Variants in GRIP2 observed in about 807,000 individuals in gnomAD.
GRIP2 encodes glutamate receptor-interacting protein 2.
In GRIP2, 58 loss-of-function variants were observed where a neutral mutation model predicts 108.3. The ratio of observed to expected loss-of-function variants is 0.54; its 90% confidence interval spans 0.43 to 0.67. The LOEUF is 0.67. Ranked by LOEUF, GRIP2 falls within the 30% of genes least tolerant of loss-of-function variation. The probability of loss-of-function intolerance (pLI) is 0.00; values close to 1 mark genes in which losing one functional copy is unlikely to be tolerated. For synonymous variants in GRIP2, 586 were observed against 598.2 expected (o/e 0.98, Z 0.30); for missense variants, 1,278 against 1,430.6 (o/e 0.89, Z 1.72).
At chr3:14,501,209 T>C (rs915181182) in intron 21 of GRIP2, among the ~76,000 whole-genome samples, 2 of 151,994 alleles carry the variant, frequency 1.3e-5, no homozygotes, top group African/African-American at 4.8e-5. Flanking sequence ...GGATGGGAAG[T>C]GGGAGGAATT....
the GRIP2 span, among the ~76,000 whole-genome samples, chr3:14,589,702 T>C: frequency 1.3e-5 from 2 of 149,980 alleles, no homozygotes. Flanking sequence ...CAAACTAACC[T>C]CCACGATAGC....
At chr3:14,503,485 C>T in intron 21 of GRIP2, 81 bp downstream of exon 21, 1 of 939,578 alleles carries the variant, frequency 1.1e-6, no homozygotes, top group Non-Finnish European at 1.7e-6. Context: ...ATGCCATCAG[C>T]ATGCCTTCCT....
rs1437822187 is a variant in GRIP2 at position 14,522,960 on chromosome 3, A to T, written c.566+40T>A. 6.4e-7 allele frequency: 1 copy of T among 1,557,126 alleles called. No individual in the cohort carries two copies. The highest frequency in any genetic ancestry group is 8.9e-7 in the Non-Finnish European group (1 of 1,128,192). On this transcript the variant is annotated intron_variant, in intron 6 of 23. Transcript: ENST00000621039. This position sits in a 1 kb window ranked among gnomAD's most constrained non-coding sequence, Gnocchi z 4.3. ...ACCTTCTTCGCAGGGGAGTTGGGGC[A>T]GGTCAGTGCAGTGTGTGGATTTCTT...
At chr3:14,545,055 G>A (rs772657635), upstream of GRIP2, among the ~76,000 whole-genome samples, 5 of 152,194 alleles carry the variant, frequency 3.3e-5, no homozygotes, top group Admixed American at 6.5e-5. Context: ...AGGAAAACAC[G>A]CAAGGCCACA....
At chr3:14,591,513 G>T in the GRIP2 span, among the ~76,000 whole-genome samples, 7 of 152,084 alleles carry the variant, frequency 4.6e-5, no homozygotes, top group African/African-American at 1.7e-4. Flanking sequence ...CTTCTGGGAA[G>T]ATAAATGAAA....
upstream of GRIP2, among the ~76,000 whole-genome samples, chr3:14,546,418 G>A (rs997264470): frequency 7.2e-5 from 11 of 152,130 alleles, no homozygotes; most frequent in African/African-American, 9.7e-5. Flanking sequence ...AGGATGGCAC[G>A]GGGGTGAGGG....
intron 11 of GRIP2, among the ~76,000 whole-genome samples, chr3:14,516,171 C>A (rs1694243027): frequency 6.6e-6 from 1 of 152,130 alleles, no homozygotes; most frequent in South Asian, 2.1e-4. Flanking sequence ...ACTTTGGTGG[C>A]CAGGAAAGGT....
Position 14,513,668 on chromosome 3 carries a change from C to T in GRIP2, c.1636G>A (p.Ala546Thr), listed in dbSNP as rs1694163747. The change falls in exon 13 of 24, where the codon GCG (alanine) becomes ACG (threonine). Residue 546 changes from alanine to threonine, a missense_variant. Coordinates refer to ENST00000621039, the MANE Select transcript of GRIP2 (RefSeq NM_001080423.4). ...KVVLEVEFDV[A>T]ESVIPSSGTF... is the part of the protein sequence containing the mutation. ...GAAGCTTGGGCCACTCACTCACCCG[C>T]CACATCGAACTCCACCTCCAGCACG... 1 of 1,608,862 alleles carries T rather than the reference C, an allele frequency of 6.2e-7. No individual in the cohort carries two copies. Among genetic ancestry groups the T allele is most frequent in the Non-Finnish European group, 8.5e-7 (1 of 1,177,834 alleles).
chr3:14,513,624 G>C (rs747209398), intron 13 of GRIP2, 41 bp downstream of exon 13: 1 of 1,574,844 alleles, frequency 6.3e-7, no homozygotes, highest in South Asian at 1.2e-5. Context: ...AGGGGTGCAG[G>C]GCCCTGAAAT....
At chr3:14,499,677 G>A (rs547899489) in intron 21 of GRIP2, among the ~76,000 whole-genome samples, 4 of 152,102 alleles carry the variant, frequency 2.6e-5, no homozygotes, top group African/African-American at 7.2e-5. Flanking sequence ...TGAGCCAAGC[G>A]AGCCAAGCCA....
upstream of GRIP2, among the ~76,000 whole-genome samples, chr3:14,546,672 G>A (rs1695062621): frequency 6.6e-6 from 1 of 152,204 alleles, no homozygotes; most frequent in African/African-American, 2.4e-5. Flanking sequence ...GAGGCACAGG[G>A]CGTGGAGGGC....
Position 14,535,384 on chromosome 3 carries a change from G to C in GRIP2, c.40+4885C>G, listed in dbSNP as rs190523278. 7.9e-4 allele frequency among the ~76,000 whole-genome samples: 121 copies of C among 152,320 alleles called. 1 individual carries two copies. The highest frequency in any genetic ancestry group is 3.4e-3 in the Middle Eastern group (1 of 294). Reference sequence around the variant, plus strand: ...GGTACTGGTGCCCACCTCATGGGTTGCTGGGAGGAACTGTGGGGAAGTGTG... The same window carrying C: ...GGTACTGGTGCCCACCTCATGGGTTCCTGGGAGGAACTGTGGGGAAGTGTG... On this transcript the variant is annotated intron_variant, in intron 1 of 23. Coordinates refer to ENST00000621039, the MANE Select transcript of GRIP2 (RefSeq NM_001080423.4).
intron 1 of GRIP2, among the ~76,000 whole-genome samples, chr3:14,537,641 AG>A (rs1329245871): frequency 2.0e-5 from 3 of 152,250 alleles, no homozygotes; most frequent in African/African-American, 2.4e-5. Flanking sequence ...ACTCAGGCGA[AG>A]GATCCCCCAT....
In GRIP2 at chr3:14,513,745, G is replaced by A. The variant is rs1255104002; in HGVS notation, c.1559C>T (p.Thr520Ile). The A allele has an allele frequency of 7.4e-6, 12 of 1,611,260 alleles. No individual in the cohort carries two copies. The highest frequency in any genetic ancestry group is 1.0e-5 in the Non-Finnish European group (12 of 1,178,914). ...CAGGAGCTGGTTGGCTTCCTCCATAGTCCCGTCCTCGGTGGCAATGCCATT... is the reference window on the plus strand; with the variant it reads ...CAGGAGCTGGTTGGCTTCCTCCATAATCCCGTCCTCGGTGGCAATGCCATT... ...SINGIATEDG[T>I]MEEANQLLRD... Residue 520 changes from threonine (T) to isoleucine (I), a missense_variant, in exon 13 of 24, where the codon ACT becomes ATT. Thr to Ile is a moderately conservative substitution (Grantham distance 89). Coordinates refer to ENST00000621039, the MANE Select transcript of GRIP2 (RefSeq NM_001080423.4).
rs770676295 is a variant in GRIP2, at chr3:14,554,516, C to G, written c.55+1384G>C. ...GTCTCTGGTCAGACCCAAAGAGAGG[C>G]CTGTTCCTGATGTTCTCCAGGCACC... On this transcript the variant is annotated intron_variant, in intron 1 of 23. Coordinates refer to the GRIP2 transcript ENST00000637182. Among the ~76,000 whole-genome samples the G allele has an allele frequency of 2.4e-4, 36 of 152,164 alleles. 1 individual carries two copies. The Middle Eastern group carries it at 0.014, about 58-fold the overall frequency.
Position 14,514,485 on chromosome 3 carries a change from G to C in GRIP2, c.1307-7C>G. 6.4e-7 allele frequency: 1 copy of C among 1,551,718 alleles called. No individual in the cohort carries two copies. Among genetic ancestry groups the C allele is most frequent in the Non-Finnish European group, 8.7e-7 (1 of 1,146,690 alleles). Reference sequence around the variant, plus strand: ...GTGCTGGAGGCTAGCGACACTGTAGGACAGGTGGGCCCAGCATTCAGGTGA... The same window carrying C: ...GTGCTGGAGGCTAGCGACACTGTAGCACAGGTGGGCCCAGCATTCAGGTGA... On this transcript the variant is annotated splice_region_variant and splice_polypyrimidine_tract_variant and intron_variant, in intron 11 of 23. Coordinates refer to ENST00000621039, the MANE Select transcript of GRIP2 (RefSeq NM_001080423.4).
the GRIP2 span, chr3:14,573,600 T>G: frequency 2.0e-6 from 3 of 1,464,638 alleles, no homozygotes; most frequent in Admixed American, 5.0e-5. Flanking sequence ...GATCTCACAC[T>G]CGCCGTTGGT....
intron 1 of GRIP2, among the ~76,000 whole-genome samples, chr3:14,549,712 C>A (rs1348583010): frequency 1.3e-5 from 2 of 152,226 alleles, no homozygotes; most frequent in African/African-American, 4.8e-5. Flanking sequence ...CATACTACTT[C>A]TCACCTCTAG....
intron 7 of GRIP2, chr3:14,520,740 G>T (rs1232019385): frequency 3.0e-5 from 18 of 605,020 alleles, no homozygotes; most frequent in Non-Finnish European, 8.6e-6. Context: ...TAGCAGTGGA[G>T]GAGGGGCAGG....
Sources: allele counts gnomAD v4.1 joint callset (sites outside exome capture counted in the v4.1 genomes callset), GRCh38; gene constraint gnomAD v4.1.1; non-coding constraint Gnocchi (gnomAD v3.1); transcripts MANE v1.5; gene names NCBI Gene and HGNC (gene_info 2026-07-23, HGNC 2026-07-21).